ZNF385B: variants seen among roughly 807,000 people sequenced by gnomAD.
The protein encoded by ZNF385B is zinc finger protein 533.
A neutral mutation model predicts 39.2 loss-of-function variants in ZNF385B; 23 were observed. That is an observed-to-expected ratio of 0.59 (90% CI 0.42 to 0.83). The LOEUF is 0.83. Ranked by LOEUF, ZNF385B falls within the 40% of genes least tolerant of loss-of-function variation. The probability of loss-of-function intolerance (pLI) is 0.00; values close to 1 mark genes in which losing one functional copy is unlikely to be tolerated. For synonymous variants in ZNF385B, 205 were observed against 222.6 expected (o/e 0.92, Z 0.70); for missense variants, 552 against 598.9 (o/e 0.92, Z 0.82).
intron 3 of ZNF385B, among the ~76,000 whole-genome samples, chr2:179,698,726 T>C (rs918617656): frequency 3.3e-5 from 5 of 152,178 alleles, no homozygotes; most frequent in Non-Finnish European, 5.9e-5. Flanking sequence ...TTCAATCTAA[T>C]ACAACTTCCA....
chr2:179,570,638 A>G (rs1685106990), intron 3 of ZNF385B, among the ~76,000 whole-genome samples: 1 of 152,172 alleles, frequency 6.6e-6, no homozygotes, highest in Non-Finnish European at 1.5e-5. Context: ...TTCTGAAGAG[A>G]GCCAGTTGTT....
At chr2:179,706,188 T>A (rs150471316) in intron 3 of ZNF385B, among the ~76,000 whole-genome samples, 60 of 152,322 alleles carry the variant, frequency 3.9e-4, no homozygotes, top group Non-Finnish European at 6.8e-4. Context: ...GTACAAGGGA[T>A]CAAGTCCCCT....
intron 8 of ZNF385B, among the ~76,000 whole-genome samples, 196 bp from the exon 9 acceptor site, chr2:179,445,173 T>C (rs1045856702): frequency 6.6e-6 from 1 of 152,222 alleles, no homozygotes; most frequent in Non-Finnish European, 1.5e-5. Context: ...CCTCCTGTTC[T>C]CTATAGCCCT....
intron 1 of ZNF385B, among the ~76,000 whole-genome samples, chr2:179,825,173 T>C (rs1449926643): frequency 6.6e-6 from 1 of 152,164 alleles, no homozygotes; most frequent in African/African-American, 2.4e-5. Context: ...CCCTGAACAC[T>C]GAACTGACTT....
chr2:179,591,349 T>C (rs1164039433), intron 3 of ZNF385B, among the ~76,000 whole-genome samples: 1 of 152,150 alleles, frequency 6.6e-6, no homozygotes. Flanking sequence ...AGAACATGTC[T>C]TACTTTGAAT....
chr2:179,713,449 C>T (rs1165883313), intron 3 of ZNF385B, among the ~76,000 whole-genome samples: 1 of 152,114 alleles, frequency 6.6e-6, no homozygotes, highest in Non-Finnish European at 1.5e-5. Context: ...CCTATTTAAT[C>T]TTCAATCTCA....
At chr2:179,721,706 G>GTAAGA (rs149344775) in intron 3 of ZNF385B, among the ~76,000 whole-genome samples, 48,259 of 151,392 alleles carry the variant, frequency 0.32, 8,002 homozygotes, top group East Asian at 0.5. Context: ...TAGTATACTA[G>GTAAGA]TAAGAAAATT....
intron 6 of ZNF385B, among the ~76,000 whole-genome samples, chr2:179,478,982 C>G (rs1284402182): frequency 6.6e-6 from 1 of 152,078 alleles, no homozygotes; most frequent in Non-Finnish European, 1.5e-5. Context: ...AGCCATCTTC[C>G]TGAAGCTGCC....
chr2:179,734,348 T>C (rs1701602207), intron 3 of ZNF385B, among the ~76,000 whole-genome samples: 1 of 152,204 alleles, frequency 6.6e-6, no homozygotes. Flanking sequence ...GTTTTAATAG[T>C]TATTACCACA....
At chr2:179,542,991 G>C (rs981535832) in intron 4 of ZNF385B, among the ~76,000 whole-genome samples, 2 of 152,190 alleles carry the variant, frequency 1.3e-5, no homozygotes, top group African/African-American at 2.4e-5. Flanking sequence ...TAAATAAAGA[G>C]GTCAGAGCAA....
At chr2:179,706,760 A>G (rs1699632480) in intron 3 of ZNF385B, among the ~76,000 whole-genome samples, 1 of 152,226 alleles carries the variant, frequency 6.6e-6, no homozygotes, top group Non-Finnish European at 1.5e-5. Context: ...CAGTCACTGA[A>G]GCTGAGCTTG....
At chr2:179,785,698 C>G (rs949792378) in intron 1 of ZNF385B, among the ~76,000 whole-genome samples, 2 of 152,090 alleles carry the variant, frequency 1.3e-5, no homozygotes, top group Non-Finnish European at 2.9e-5. Context: ...GACTGAACTG[C>G]TACAATCTCA....
chr2:179,727,182 T>C (rs1701075668), intron 3 of ZNF385B, among the ~76,000 whole-genome samples: 1 of 152,132 alleles, frequency 6.6e-6, no homozygotes, highest in South Asian at 2.1e-4. Context: ...CAAGGTATTT[T>C]ATCTGATAAC....
At chr2:179,493,769 A>ATGTGTG (rs2055772001) in intron 5 of ZNF385B, among the ~76,000 whole-genome samples, 2 of 89,756 alleles carry the variant, frequency 2.2e-5, no homozygotes, top group East Asian at 4.8e-4. Context: ...ATATGTATAC[A>ATGTGTG]TATATGTATA....
chr2:179,775,084 A>G (rs776483736), intron 1 of ZNF385B, among the ~76,000 whole-genome samples: 3 of 152,178 alleles, frequency 2.0e-5, no homozygotes, highest in Non-Finnish European at 2.9e-5. Context: ...AGGGAGGCAA[A>G]AAGTTGAGTT....
intron 1 of ZNF385B, among the ~76,000 whole-genome samples, chr2:179,833,580 G>A (rs12053220): frequency 0.068 from 10,292 of 152,166 alleles, 578 homozygotes; most frequent in Admixed American, 0.17. Context: ...CTATTCACTG[G>A]TGGTTACTAT....
intron 5 of ZNF385B, among the ~76,000 whole-genome samples, chr2:179,497,716 C>G (rs1014701796): frequency 3.3e-5 from 5 of 152,084 alleles, no homozygotes; most frequent in Non-Finnish European, 4.4e-5. Flanking sequence ...TAAGTCCTTA[C>G]TTATCAATAA....
chr2:179,772,280 T>A (rs1253129013), intron 1 of ZNF385B, among the ~76,000 whole-genome samples: 1 of 152,148 alleles, frequency 6.6e-6, no homozygotes, highest in East Asian at 1.9e-4. Flanking sequence ...AGTACCAGCA[T>A]CCTCCATAAC....
intron 6 of ZNF385B, among the ~76,000 whole-genome samples, chr2:179,481,629 C>T (rs571877740): frequency 1.3e-5 from 2 of 152,160 alleles, no homozygotes; most frequent in Non-Finnish European, 2.9e-5. Context: ...TACCTACCAA[C>T]TGTTCTATTA....
Sources: allele counts gnomAD v4.1 joint callset (sites outside exome capture counted in the v4.1 genomes callset), GRCh38; gene constraint gnomAD v4.1.1; transcripts MANE v1.5; gene names NCBI Gene and HGNC (gene_info 2026-07-23, HGNC 2026-07-21).